Variants in IL17RD observed in about 807,000 individuals in gnomAD.
IL17RD encodes interleukin 17 receptor D.
In IL17RD, 52 loss-of-function variants were observed where a neutral mutation model predicts 80.5. The ratio of observed to expected loss-of-function variants is 0.65; its 90% confidence interval spans 0.52 to 0.81. The LOEUF (loss-of-function observed/expected upper bound fraction) is 0.81. Among genes scored for constraint, IL17RD ranks in the 40% least tolerant of loss-of-function variants. The pLI, the probability that IL17RD is intolerant of heterozygous loss-of-function variation, is 0.00. For missense variants in IL17RD, 1,024 were observed against 955.1 expected, an observed-to-expected ratio of 1.07 and a Z score of -0.95; for synonymous variants, 416 against 391.8, an observed-to-expected ratio of 1.06 and a Z score of -0.73.
Position 57,093,053 on chromosome 3 carries a change from C to T in IL17RD, c.*3340G>A, listed in dbSNP as rs556738527. 2.6e-5 allele frequency: 4 copies of T among 152,240 alleles called. No individual in the cohort carries two copies. In the South Asian group the frequency reaches 6.2e-4, roughly 24 times the overall value. The allele number at this position is 152,240 out of a possible 1,614,324, so 9.4% of individuals were successfully genotyped here. ...TCAGGAAGTACTTCATGGCCACAGT[C>T]GACTGGAAAATTACCCACTGTGGGT... On this transcript the variant is annotated 3_prime_UTR_variant, in exon 13 of 13. Transcript: ENST00000296318.
intron 2 of IL17RD, among the ~76,000 whole-genome samples, chr3:57,117,226 GTC>G (rs1401854394): frequency 6.6e-6 from 1 of 150,406 alleles, no homozygotes; most frequent in Non-Finnish European, 1.5e-5. Flanking sequence ...CAATTCTCCT[GTC>G]TCAGCCTCCT....
At position 57,092,985 on chromosome 3, in the gene IL17RD, T is replaced by A. The variant is rs1050455672; in HGVS notation, c.*3408A>T. ...TATTTTTTAAAATCAGAATTTTTCA[T>A]ATAAAAATCCAGATTGTCAGCTTTT... On this transcript the variant is annotated 3_prime_UTR_variant, in exon 13 of 13. Transcript: ENST00000296318. 6.6e-6 allele frequency: 1 copy of A among 152,196 alleles called. No homozygotes were observed. The highest frequency in any genetic ancestry group is 6.5e-5 in the Admixed American group (1 of 15,284). 9.4% of individuals were successfully genotyped at this position (152,196 alleles called of 1,614,324 possible).
intron 3 of IL17RD, among the ~76,000 whole-genome samples, chr3:57,112,738 G>A (rs1345338736): frequency 1.3e-5 from 2 of 152,138 alleles, no homozygotes; most frequent in Admixed American, 1.3e-4. Flanking sequence ...GAAGTGGTTC[G>A]GCCCATGGGT....
Position 57,090,434 on chromosome 3 carries a change from T to G in IL17RD, c.*5959A>C, listed in dbSNP as rs1706528475. 2.0e-5 allele frequency: 3 copies of G among 153,780 alleles called. No homozygotes were observed. The Admixed American group carries it at 2.0e-4, about 10-fold the overall frequency. The allele number at this position is 153,780 out of a possible 1,614,324, so 9.5% of individuals were successfully genotyped here. ...TTGTTGTTGTTGTTGAGACGGAGTT[T>G]CGCTCTTGTTGCCCAGGCTAGAGTG... On this transcript the variant is annotated 3_prime_UTR_variant, in exon 13 of 13. Transcript: ENST00000296318.
chr3:57,109,058 C>G (rs1039448660), intron 5 of IL17RD, among the ~76,000 whole-genome samples: 2 of 152,176 alleles, frequency 1.3e-5, no homozygotes, highest in Admixed American at 1.3e-4. Flanking sequence ...GTGTCTATAC[C>G]TAACCTTAAT....
intron 1 of IL17RD, among the ~76,000 whole-genome samples, chr3:57,160,859 T>C (rs1249476045): frequency 6.6e-6 from 1 of 152,206 alleles, no homozygotes; most frequent in East Asian, 1.9e-4. Flanking sequence ...TCTGATCCCA[T>C]TAGCTTTCAA....
At chr3:57,135,180 G>A (rs971450458) in intron 1 of IL17RD, among the ~76,000 whole-genome samples, 4 of 152,202 alleles carry the variant, frequency 2.6e-5, no homozygotes, top group Non-Finnish European at 5.9e-5. Context: ...GGGTCAGTGT[G>A]AGGCCAAGCT....
chr3:57,134,621 C>G, intron 1 of IL17RD: 1 of 874,638 alleles, frequency 1.1e-6, no homozygotes, highest in Non-Finnish European at 1.9e-6. Context: ...CTAAGGCCCG[C>G]AGGTCTAAGA....
At chr3:57,122,538 C>T (rs906824463) in intron 1 of IL17RD, among the ~76,000 whole-genome samples, 1 of 152,206 alleles carries the variant, frequency 6.6e-6, no homozygotes, top group Non-Finnish European at 1.5e-5. Context: ...GTGAACTGTG[C>T]ATACGAGGGA....
chr3:57,128,171 C>T (rs1707533777), intron 1 of IL17RD, among the ~76,000 whole-genome samples: 1 of 152,136 alleles, frequency 6.6e-6, no homozygotes, highest in Admixed American at 6.5e-5. Context: ...GTCTTGGATG[C>T]GTAGCAAGGA....
At chr3:57,140,358 C>A (rs1375227461) in intron 1 of IL17RD, among the ~76,000 whole-genome samples, 1 of 152,094 alleles carries the variant, frequency 6.6e-6, no homozygotes, top group Non-Finnish European at 1.5e-5. Flanking sequence ...AACTGGTCTA[C>A]GAGCTAGCAT....
At chr3:57,111,603 T>C (rs993098739) in intron 3 of IL17RD, among the ~76,000 whole-genome samples, 1 of 152,060 alleles carries the variant, frequency 6.6e-6, no homozygotes, top group Non-Finnish European at 1.5e-5. Flanking sequence ...TACGCAACAT[T>C]CCCAGAATGA....
intron 1 of IL17RD, among the ~76,000 whole-genome samples, chr3:57,162,706 T>A (rs917254354): frequency 2.0e-5 from 3 of 151,990 alleles, no homozygotes; most frequent in African/African-American, 7.3e-5. Flanking sequence ...TATCAGGAAA[T>A]ACAGGATTTA....
At chr3:57,142,832 A>G (rs1036611580) in intron 1 of IL17RD, among the ~76,000 whole-genome samples, 18 of 152,164 alleles carry the variant, frequency 1.2e-4, no homozygotes, top group Admixed American at 4.6e-4. Context: ...TTTTGTCAAC[A>G]TCGCATCCCA....
At chr3:57,129,280 G>T (rs1398151421) in intron 1 of IL17RD, among the ~76,000 whole-genome samples, 2 of 152,140 alleles carry the variant, frequency 1.3e-5, no homozygotes, top group African/African-American at 4.8e-5. Context: ...AGCCGTGAAA[G>T]GAACAGTTAC....
At chr3:57,112,274 T>G (rs551939662) in intron 3 of IL17RD, among the ~76,000 whole-genome samples, 2 of 152,344 alleles carry the variant, frequency 1.3e-5, no homozygotes, top group African/African-American at 4.8e-5. Flanking sequence ...TATCCCCATT[T>G]TACAGATGAG....
upstream of IL17RD, chr3:57,169,444 G>T: frequency 4.3e-6 from 1 of 233,056 alleles, no homozygotes; most frequent in Non-Finnish European, 8.8e-6. Context: ...TTGATGAAAT[G>T]TAAATATATT....
intron 2 of IL17RD, among the ~76,000 whole-genome samples, chr3:57,119,762 T>C (rs1212259579): frequency 6.6e-6 from 1 of 152,146 alleles, no homozygotes; most frequent in African/African-American, 2.4e-5. Flanking sequence ...TATTAAAAAA[T>C]GTTTACACAA....
intron 5 of IL17RD, among the ~76,000 whole-genome samples, chr3:57,108,786 G>A (rs1374861227): frequency 6.6e-6 from 1 of 151,704 alleles, no homozygotes; most frequent in Admixed American, 6.6e-5. Context: ...AAAGTGTTGG[G>A]ATTACAGGCA....
Sources: gnomAD v4.1 joint callset for allele counts (sites outside exome capture counted in the v4.1 genomes callset) on GRCh38, gnomAD v4.1.1 for gene constraint, MANE v1.5 for transcripts, NCBI Gene and HGNC (gene_info 2026-07-23, HGNC 2026-07-21) for gene names.